The following ZFYVE9 variants were observed in gnomAD, a reference collection of about 807,000 sequenced individuals.
ZFYVE9 encodes the protein zinc finger FYVE domain-containing protein 9.
A neutral mutation model predicts 126.7 loss-of-function variants in ZFYVE9; 43 were observed. The ratio of observed to expected loss-of-function variants is 0.34; its 90% confidence interval spans 0.27 to 0.44. The LOEUF is 0.44. Among genes scored for constraint, ZFYVE9 ranks in the 20% least tolerant of loss-of-function variants. The pLI is 1.00. For synonymous variants in ZFYVE9, 521 were observed against 597.4 expected, an observed-to-expected ratio of 0.87 and a Z score of 1.87; for missense variants, 1,476 against 1,697.0, an observed-to-expected ratio of 0.87 and a Z score of 2.29.
Position 52,266,641 on chromosome 1 carries a change from T to A in ZFYVE9, c.2279-14T>A. On this transcript the variant is annotated splice_polypyrimidine_tract_variant and intron_variant, in intron 5 of 18. Transcript: ENST00000287727. Reference sequence around the variant, plus strand: ...GCAATCCATTCACATTGATTGTGTCTGTATTTGCTTTAGCTCAAGCCTGGG... The same window carrying A: ...GCAATCCATTCACATTGATTGTGTCAGTATTTGCTTTAGCTCAAGCCTGGG... 6.4e-7 allele frequency: 1 copy of A among 1,570,658 alleles called. No individual in the cohort carries two copies. Among genetic ancestry groups the A allele is most frequent in the South Asian group, 1.2e-5 (1 of 83,978 alleles).
chr1:52,177,099 G>C (rs1344717927), intron 1 of ZFYVE9, among the ~76,000 whole-genome samples: 1 of 151,850 alleles, frequency 6.6e-6, no homozygotes, highest in African/African-American at 2.4e-5. Context: ...CACGCTGGGA[G>C]CTGTAGACCG....
chr1:52,269,833 G>C (rs1360377997), intron 7 of ZFYVE9, among the ~76,000 whole-genome samples: 1 of 151,616 alleles, frequency 6.6e-6, no homozygotes, highest in Non-Finnish European at 1.5e-5. Context: ...TATCGCCCAG[G>C]CTCCAGTATA....
intron 4 of ZFYVE9, among the ~76,000 whole-genome samples, chr1:52,240,606 C>T (rs1243078651): frequency 1.3e-5 from 2 of 152,124 alleles, no homozygotes; most frequent in African/African-American, 4.8e-5. Flanking sequence ...CTATGAGACT[C>T]AGTGATTTAT....
intron 13 of ZFYVE9, among the ~76,000 whole-genome samples, chr1:52,306,260 A>G (rs549902095): frequency 2.0e-5 from 3 of 152,192 alleles, no homozygotes; most frequent in Non-Finnish European, 4.4e-5. Context: ...AGACATCGGG[A>G]TGACCAGCTG....
chr1:52,290,323 A>G (rs1447682179), intron 10 of ZFYVE9, among the ~76,000 whole-genome samples: 2 of 152,214 alleles, frequency 1.3e-5, no homozygotes, highest in Non-Finnish European at 2.9e-5. Flanking sequence ...GGATAACAGC[A>G]TTAATCCAGT....
intron 2 of ZFYVE9, among the ~76,000 whole-genome samples, chr1:52,219,462 G>T (rs1408160815): frequency 6.6e-6 from 1 of 152,010 alleles, no homozygotes; most frequent in Admixed American, 6.6e-5. Context: ...TGTCTCAGTG[G>T]TTAGGAGTAT....
chr1:52,189,684 T>TG (rs1187388384), intron 1 of ZFYVE9, among the ~76,000 whole-genome samples: 2 of 151,548 alleles, frequency 1.3e-5, no homozygotes, highest in East Asian at 3.9e-4. Context: ...TAGGTTGTTT[T>TG]TTTTTTTTTA....
intron 1 of ZFYVE9, among the ~76,000 whole-genome samples, chr1:52,182,127 G>T (rs1316954594): frequency 2.0e-5 from 3 of 150,240 alleles, no homozygotes; most frequent in Admixed American, 6.6e-5. Flanking sequence ...GGAGAGAGGT[G>T]GGGGGTCAGC....
At chr1:52,183,193 C>T (rs1644730917) in intron 1 of ZFYVE9, among the ~76,000 whole-genome samples, 1 of 151,808 alleles carries the variant, frequency 6.6e-6, no homozygotes, top group Non-Finnish European at 1.5e-5. Context: ...GTTTACAGAC[C>T]GTAAAAGGGA....
At chr1:52,318,310 T>C (rs1646204954) in intron 13 of ZFYVE9, among the ~76,000 whole-genome samples, 1 of 151,718 alleles carries the variant, frequency 6.6e-6, no homozygotes, top group South Asian at 2.1e-4. Context: ...AACCATATGA[T>C]ACAGCAAAAG....
intron 4 of ZFYVE9, among the ~76,000 whole-genome samples, chr1:52,255,965 T>TTCCTTCC (rs1553129447): frequency 5.3e-5 from 3 of 56,770 alleles, no homozygotes; most frequent in African/African-American, 3.3e-4. Flanking sequence ...TTTCTTTTCT[T>TTCCTTCC]TTCTTTCTTT....
rs35201482 is a variant in ZFYVE9, at chr1:52,263,479, C to G, written c.2179-294C>G. 7.5e-3 allele frequency among the ~76,000 whole-genome samples: 1,142 copies of G among 152,236 alleles called. 12 individuals carry two copies. Among genetic ancestry groups the G allele is most frequent in the Admixed American group, 0.024 (367 of 15,286 alleles). On this transcript the variant is annotated intron_variant, in intron 4 of 18. Coordinates refer to ENST00000287727, the MANE Select transcript of ZFYVE9 (RefSeq NM_004799.4). ...GTTAGGTGATTGTGTGCATAGAAAT[C>G]TTGCCTAGGGGTAATTCAGGTGGTT...
At chr1:52,281,363 G>C (rs1293800060) in intron 9 of ZFYVE9, among the ~76,000 whole-genome samples, 1 of 152,056 alleles carries the variant, frequency 6.6e-6, no homozygotes, top group Non-Finnish European at 1.5e-5. Context: ...TTGATCTCCT[G>C]ACCTCATGAT....
At chr1:52,252,749 C>T (rs778232597) in intron 4 of ZFYVE9, 115 of 467,880 alleles carry the variant, frequency 2.5e-4, no homozygotes, top group African/African-American at 1.2e-4. Context: ...ATGGTCAGTC[C>T]GACTGCTACC....
chr1:52,306,303 T>G (rs535531390), intron 13 of ZFYVE9, among the ~76,000 whole-genome samples: 1 of 152,240 alleles, frequency 6.6e-6, no homozygotes, highest in East Asian at 1.9e-4. Context: ...GGGTCTCCTC[T>G]CTGCTGAGAC....
At chr1:52,187,984 C>T (rs768906694) in intron 1 of ZFYVE9, among the ~76,000 whole-genome samples, 4 of 152,086 alleles carry the variant, frequency 2.6e-5, no homozygotes, top group Non-Finnish European at 5.9e-5. Context: ...GGGTATATAC[C>T]CAAAGGAATA....
chr1:52,145,086 G>A (rs1173439362), intron 1 of ZFYVE9, among the ~76,000 whole-genome samples: 4 of 152,178 alleles, frequency 2.6e-5, no homozygotes, highest in Non-Finnish European at 5.9e-5. Flanking sequence ...TGAGTGGAAC[G>A]TGCTAAATCT....
intron 1 of ZFYVE9, among the ~76,000 whole-genome samples, chr1:52,168,856 G>A (rs539805807): frequency 1.3e-5 from 2 of 152,186 alleles, no homozygotes; most frequent in Admixed American, 6.5e-5. Flanking sequence ...TGAGGTATCA[G>A]GTTTCTTTTA....
At chr1:52,304,844 CT>C (rs953033305) in intron 13 of ZFYVE9, among the ~76,000 whole-genome samples, 2 of 151,268 alleles carry the variant, frequency 1.3e-5, no homozygotes, top group Admixed American at 1.3e-4. Flanking sequence ...TGTGTGCTTA[CT>C]TTTTTCTGGG....
Sources: gnomAD v4.1 joint callset for allele counts (sites outside exome capture counted in the v4.1 genomes callset) on GRCh38, gnomAD v4.1.1 for gene constraint, MANE v1.5 for transcripts, NCBI Gene and HGNC (gene_info 2026-07-23, HGNC 2026-07-21) for gene names.